The following CBFA2T2 variants were observed in gnomAD, a reference collection of about 807,000 sequenced individuals.
CBFA2T2 encodes the protein protein CBFA2T2.
CBFA2T2 carries 11 observed loss-of-function variants against 62.2 expected under a neutral mutation model. The ratio of observed to expected loss-of-function variants is 0.18; its 90% CI spans 0.11 to 0.29. CBFA2T2 has a LOEUF of 0.29. Ranked by LOEUF, CBFA2T2 falls within the 10% of genes least tolerant of loss-of-function variation. The pLI is 1.00. For synonymous variants in CBFA2T2, 295 were observed against 287.5 expected, an observed-to-expected ratio of 1.03 and a Z score of -0.27; for missense variants, 592 against 774.1, an observed-to-expected ratio of 0.76 and a Z score of 2.79.
At chr20:33,574,210 GA>G in intron 1 of CBFA2T2, 3 of 1,613,518 alleles carry the variant, frequency 1.9e-6, no homozygotes, top group Non-Finnish European at 2.5e-6. Context: ...AATGGCTAAA[GA>G]ATCTGGAATA....
rs1040041773 is a variant in CBFA2T2 at position 33,644,991 on chromosome 20, T to C, written c.*345T>C. ...CTCCTTGAGTCAGCAGACTGTCCAATGTGCTCAGCCAGGCTGGAGGCGGCA... is the reference window on the plus strand; with the variant it reads ...CTCCTTGAGTCAGCAGACTGTCCAACGTGCTCAGCCAGGCTGGAGGCGGCA... On this transcript the variant is annotated 3_prime_UTR_variant, in exon 11 of 11. Transcript: ENST00000342704. 4.2e-6 allele frequency: 1 copy of C among 237,090 alleles called. No individual in the cohort carries two copies. The highest frequency in any genetic ancestry group is 8.2e-6 in the Non-Finnish European group (1 of 121,926). 14.7% of individuals were successfully genotyped at this position (237,090 alleles called of 1,614,324 possible).
At chr20:33,558,827 G>GGA (rs921868993) in intron 1 of CBFA2T2, among the ~76,000 whole-genome samples, 1 of 151,874 alleles carries the variant, frequency 6.6e-6, no homozygotes, top group African/African-American at 2.4e-5. Flanking sequence ...ACTGTTTGGG[G>GGA]GGGCGGCGAT....
At chr20:33,573,042 G>C (rs928798857) in intron 1 of CBFA2T2, among the ~76,000 whole-genome samples, 1 of 151,996 alleles carries the variant, frequency 6.6e-6, no homozygotes. Flanking sequence ...AGAGGGAGAG[G>C]GGTGTTTTCA....
At chr20:33,567,406 C>T (rs562812818) in intron 1 of CBFA2T2, among the ~76,000 whole-genome samples, 1 of 152,252 alleles carries the variant, frequency 6.6e-6, no homozygotes, top group East Asian at 1.9e-4. Flanking sequence ...ACAGTAGTCT[C>T]CCCTTAGTCG....
chr20:33,495,163 G>C (rs75842773), intron 1 of CBFA2T2, among the ~76,000 whole-genome samples: 1 of 151,932 alleles, frequency 6.6e-6, no homozygotes, highest in Non-Finnish European at 1.5e-5. Flanking sequence ...TTGGAAGGTC[G>C]AGGTGGGCGG....
At chr20:33,629,109 T>A (rs2016356033) in intron 7 of CBFA2T2, among the ~76,000 whole-genome samples, 1 of 152,236 alleles carries the variant, frequency 6.6e-6, no homozygotes, top group Non-Finnish European at 1.5e-5. Context: ...GGAATTCATT[T>A]GTATTTGTTA....
intron 1 of CBFA2T2, among the ~76,000 whole-genome samples, chr20:33,540,544 AT>A (rs2012385666): frequency 6.6e-6 from 1 of 152,240 alleles, no homozygotes; most frequent in Admixed American, 6.5e-5. Flanking sequence ...CCTGATTAAT[AT>A]GCAAAGCAGC....
chr20:33,533,237 A>G (rs1440311033), intron 1 of CBFA2T2, among the ~76,000 whole-genome samples: 9 of 152,196 alleles, frequency 5.9e-5, no homozygotes, highest in Admixed American at 5.9e-4. Context: ...TAGTCAACAT[A>G]TCATTCACTC....
chr20:33,623,420 C>T, intron 5 of CBFA2T2, 124 bp downstream of exon 5: 4 of 1,117,220 alleles, frequency 3.6e-6, no homozygotes, highest in Non-Finnish European at 5.2e-6. Flanking sequence ...TGAGACAAGG[C>T]CTGGCTCTGT....
intron 1 of CBFA2T2, among the ~76,000 whole-genome samples, chr20:33,529,943 C>T (rs1006273706): frequency 2.0e-5 from 3 of 151,632 alleles, no homozygotes; most frequent in Non-Finnish European, 4.4e-5. Flanking sequence ...CGCCATCACA[C>T]CTGGATAATT....
At chr20:33,634,398 G>GT (rs2016555985) in intron 8 of CBFA2T2, among the ~76,000 whole-genome samples, 1 of 152,154 alleles carries the variant, frequency 6.6e-6, no homozygotes, top group Non-Finnish European at 1.5e-5. Context: ...TAGTCCACCT[G>GT]TGGTGGCTGA....
intron 1 of CBFA2T2, among the ~76,000 whole-genome samples, chr20:33,572,961 T>G (rs2013637260): frequency 6.6e-6 from 1 of 152,212 alleles, no homozygotes; most frequent in African/African-American, 2.4e-5. Context: ...GTGAATATAG[T>G]AGAGGACAGA....
At position 33,600,580 on chromosome 20, in the gene CBFA2T2, C is replaced by T. The variant is rs556217235; in HGVS notation, c.35-6376C>T. ...GAGGCTATGGTCCAGGAAATCTTTT[C>T]CCTGATTTTTCCTTCAGCTGTGATA... On this transcript the variant is annotated intron_variant, in intron 1 of 10. Coordinates refer to ENST00000342704, the MANE Select transcript of CBFA2T2 (RefSeq NM_001032999.3). 87 of 289,390 alleles carry T rather than the reference C, an allele frequency of 3.0e-4. 1 individual carries two copies. The highest frequency in any genetic ancestry group is 2.2e-3 in the South Asian group (85 of 38,048). The allele number at this position is 289,390 out of a possible 1,614,324, so 17.9% of individuals were successfully genotyped here. A position where few individuals can be genotyped will look rare whatever the true frequency, so the allele number is the denominator to read the frequency against.
Position 33,625,027 on chromosome 20 carries a change from C to A in CBFA2T2, c.946+10C>A. The A allele has an allele frequency of 6.2e-7, 1 of 1,607,024 alleles. No individual in the cohort carries two copies. The highest frequency in any genetic ancestry group is 8.5e-7 in the Non-Finnish European group (1 of 1,174,364). ...AGACACCACAGTCTTGGTAAGCAAC[C>A]GAAGCAGCATGGTAAATTCAGACTG... On this transcript the variant is annotated intron_variant, in intron 6 of 10. Coordinates refer to ENST00000342704, the MANE Select transcript of CBFA2T2 (RefSeq NM_001032999.3).
intron 1 of CBFA2T2, among the ~76,000 whole-genome samples, 157 bp from the exon 2 acceptor site, chr20:33,606,799 T>C (rs1256711812): frequency 6.6e-6 from 1 of 152,220 alleles, no homozygotes; most frequent in Non-Finnish European, 1.5e-5. Flanking sequence ...ACATTCACAG[T>C]TCCAGATGTT....
At chr20:33,636,482 C>T (rs1276435422) in intron 8 of CBFA2T2, among the ~76,000 whole-genome samples, 158 bp from the exon 9 acceptor site, 3 of 152,024 alleles carry the variant, frequency 2.0e-5, no homozygotes, top group African/African-American at 7.3e-5. Flanking sequence ...ATTTACTGTA[C>T]TATTTTATAA....
At chr20:33,529,839 C>T (rs1040089375) in intron 1 of CBFA2T2, among the ~76,000 whole-genome samples, 7 of 145,182 alleles carry the variant, frequency 4.8e-5, no homozygotes, top group Non-Finnish European at 7.4e-5. Flanking sequence ...GGCTGGAGTG[C>T]AGTGGTGCAA....
chr20:33,550,534 C>T lies in CBFA2T2; in HGVS notation c.35-56422C>T, dbSNP rs1245886816. 3.9e-5 allele frequency among the ~76,000 whole-genome samples: 6 copies of T among 152,336 alleles called. 1 individual carries two copies. In the Middle Eastern group the frequency reaches 0.017, roughly 432 times the overall value. ...AGCATTAAACATGTTAATCAAGACACACCACCTGTCCTCAGAGAACAGTAA... is the reference window on the plus strand; with the variant it reads ...AGCATTAAACATGTTAATCAAGACATACCACCTGTCCTCAGAGAACAGTAA... On this transcript the variant is annotated intron_variant, in intron 1 of 10. Coordinates refer to ENST00000342704, the MANE Select transcript of CBFA2T2 (RefSeq NM_001032999.3).
chr20:33,585,848 A>T (rs1002820578), intron 1 of CBFA2T2, among the ~76,000 whole-genome samples: 6 of 152,220 alleles, frequency 3.9e-5, no homozygotes, highest in Non-Finnish European at 8.8e-5. Context: ...CCATTTTGTT[A>T]TGCTTTGGCA....
Sources: allele counts gnomAD v4.1 joint callset (sites outside exome capture counted in the v4.1 genomes callset), GRCh38; gene constraint gnomAD v4.1.1; transcripts MANE v1.5; gene names NCBI Gene and HGNC (gene_info 2026-07-23, HGNC 2026-07-21).